DDX42: variants seen among roughly 807,000 people sequenced by gnomAD.
DDX42 encodes the protein ATP-dependent RNA helicase DDX42.
Under a neutral mutation model 101.5 loss-of-function variants are expected in DDX42, and 22 were observed. The observed-to-expected ratio is 0.22, with a 90% CI of 0.15 to 0.31. The LOEUF (loss-of-function observed/expected upper bound fraction) is 0.31. DDX42 is among the 10% of genes least tolerant of loss of function. The pLI, the probability that DDX42 is intolerant of heterozygous loss-of-function variation, is 1.00. For missense variants in DDX42, 849 were observed against 1,199.9 expected (o/e 0.71, Z 4.32); for synonymous variants, 402 against 401.2 (o/e 1.00, Z -0.02).
At chr17:63,785,925 T>G (rs752060562) in intron 1 of DDX42, among the ~76,000 whole-genome samples, 1 of 152,246 alleles carries the variant, frequency 6.6e-6, no homozygotes, top group Non-Finnish European at 1.5e-5. Context: ...CCTCTAGTTT[T>G]CGGAGAGTCT....
In DDX42 at chr17:63,805,071, A is replaced by G; in HGVS notation, c.622A>G (p.Ile208Val). ...TAACTTTGAATAATTGGACCTGCAG[A>G]TTGACTATCCACCATTTGAAAAAAA... ...DPLPPIDHSE[I>V]DYPPFEKNFY... is the part of the protein sequence containing the mutation. The change falls in exon 7 of 18, where the codon ATT becomes GTT. Residue 208 changes from isoleucine (I) to valine (V), a missense_variant and splice_region_variant. Ile to Val is a conservative substitution (Grantham distance 29). Around this residue, in one of 5 missense-constraint regions of DDX42, gnomAD observed 370 missense variants for 608.8 expected, o/e 0.61. Coordinates refer to ENST00000389924, the MANE Select transcript of DDX42 (RefSeq NM_203499.3). 1 of 1,605,352 alleles carries G rather than the reference A, an allele frequency of 6.2e-7. No homozygotes were observed. Among genetic ancestry groups the G allele is most frequent in the African/African-American group, 1.3e-5 (1 of 74,628 alleles).
Position 63,817,065 on chromosome 17 carries a change from TGATGCTA to T in DDX42, c.2112+103_2112+109del, listed in dbSNP as rs997032645. The stretch of plus-strand genomic sequence containing the variant: ...CTGGTTGTAGCTGGGCGCCTAGGCT[TGATGCTA>T]GATTTAGGGTCTTCACGCTGCTTGG... On this transcript the variant is annotated intron_variant, in intron 17 of 17. Coordinates refer to ENST00000389924, the MANE Select transcript of DDX42 (RefSeq NM_203499.3). The T allele has an allele frequency of 8.5e-6, 8 of 942,858 alleles. No homozygotes were observed. In the African/African-American group the frequency reaches 1.2e-4, roughly 14 times the overall value. 58.4% of individuals were successfully genotyped at this position (942,858 alleles called of 1,614,324 possible).
intron 6 of DDX42, among the ~76,000 whole-genome samples, chr17:63,802,493 C>T (rs894658305): frequency 2.0e-5 from 3 of 152,184 alleles, no homozygotes; most frequent in African/African-American, 4.8e-5. Flanking sequence ...TTCGGCCAGA[C>T]GCAATGGCTC....
In DDX42 at chr17:63,774,243, TGGCGGC is replaced by T. The variant is rs3834577; in HGVS notation, c.-139_-134del. ...GCGGTGGCGGCGGCGGTGGTGGTGG[TGGCGGC>T]GGCGGCGGCGAAGGGGGCGGAGAGG... On this transcript the variant is annotated 5_prime_UTR_variant, in exon 1 of 18. Transcript: ENST00000389924. 5 of 244,250 alleles carry T rather than the reference TGGCGGC, an allele frequency of 2.0e-5. No individual in the cohort carries two copies. The highest frequency in any genetic ancestry group is 3.0e-5 in the Non-Finnish European group (4 of 132,910). 15.1% of individuals were successfully genotyped at this position (244,250 alleles called of 1,614,324 possible).
In DDX42 at chr17:63,797,267, G is replaced by A. The variant is rs554314826; in HGVS notation, c.373-771G>A. ...CTCAGGAGGCTGAGGCAGGAGAATCGCTTGAACCTGGGAGGAGGAGGTTGT... is the reference window on the plus strand; with the variant it reads ...CTCAGGAGGCTGAGGCAGGAGAATCACTTGAACCTGGGAGGAGGAGGTTGT... On this transcript the variant is annotated intron_variant, in intron 3 of 17. Transcript: ENST00000389924. Among the ~76,000 whole-genome samples, 137 of 149,160 alleles carry A rather than the reference G, an allele frequency of 9.2e-4. 1 individual carries two copies. Among genetic ancestry groups the A allele is most frequent in the Non-Finnish European group, 1.6e-3 (107 of 67,774 alleles).
chr17:63,813,576 T>C, intron 15 of DDX42, 122 bp downstream of exon 15: 2 of 773,464 alleles, frequency 2.6e-6, no homozygotes, highest in Non-Finnish European at 4.1e-6. Flanking sequence ...ATGTGGGGCT[T>C]ATGAGGTACA....
Position 63,812,216 on chromosome 17 carries a change from A to T in DDX42, c.1675+8A>T. On this transcript the variant is annotated splice_region_variant and intron_variant, in intron 14 of 17. Transcript: ENST00000389924. ...TGGCCACAGATGTTGCAGGTAGAGTATGAATTTTTCAACAACATTAAGTTC... is the reference window on the plus strand; with the variant it reads ...TGGCCACAGATGTTGCAGGTAGAGTTTGAATTTTTCAACAACATTAAGTTC... 1 of 1,607,074 alleles carries T rather than the reference A, an allele frequency of 6.2e-7. No homozygotes were observed. Among genetic ancestry groups the T allele is most frequent in the South Asian group, 1.1e-5 (1 of 90,656 alleles).
At chr17:63,817,034 GTT>G in intron 17 of DDX42, 68 bp downstream of exon 17, 2 of 1,380,946 alleles carry the variant, frequency 1.4e-6, no homozygotes, top group South Asian at 2.5e-5. Flanking sequence ...GAGGGGCTTA[GTT>G]TTCCTGGTTG....
chr17:63,777,691 A>C (rs1598319082), intron 1 of DDX42, among the ~76,000 whole-genome samples: 3 of 150,088 alleles, frequency 2.0e-5, no homozygotes, highest in Admixed American at 1.3e-4. Flanking sequence ...TTCGTGATCC[A>C]CCCGTCTCGG....
chr17:63,785,188 G>A (rs1223944586), intron 1 of DDX42, among the ~76,000 whole-genome samples: 3 of 152,118 alleles, frequency 2.0e-5, no homozygotes, highest in South Asian at 2.1e-4. Context: ...GTTTTGGGGG[G>A]CCAGGTGCAG....
intron 1 of DDX42, among the ~76,000 whole-genome samples, chr17:63,786,495 G>A (rs759446944): frequency 6.6e-6 from 1 of 152,164 alleles, no homozygotes; most frequent in African/African-American, 2.4e-5. Flanking sequence ...CGTGATCATA[G>A]CTCAGTGTAA....
chr17:63,791,971 C>T (rs1335840989), intron 2 of DDX42, among the ~76,000 whole-genome samples: 1 of 151,654 alleles, frequency 6.6e-6, no homozygotes, highest in Non-Finnish European at 1.5e-5. Context: ...AGCTTGAACC[C>T]AGAAGGCGGG....
intron 1 of DDX42, among the ~76,000 whole-genome samples, chr17:63,778,815 A>G (rs1312784413): frequency 2.0e-5 from 3 of 152,006 alleles, no homozygotes; most frequent in Non-Finnish European, 4.4e-5. Context: ...TAATTTTTGT[A>G]TTTTTAGTAG....
At chr17:63,806,702 G>T in intron 8 of DDX42, 48 bp downstream of exon 8, 1 of 1,554,706 alleles carries the variant, frequency 6.4e-7, no homozygotes, top group South Asian at 1.2e-5. Flanking sequence ...AGTCTTTCAT[G>T]ACTATATTAA....
intron 6 of DDX42, among the ~76,000 whole-genome samples, chr17:63,802,825 A>G (rs754350367): frequency 6.6e-5 from 10 of 151,304 alleles, no homozygotes; most frequent in Non-Finnish European, 1.5e-4. Context: ...CAGGAGAGTC[A>G]CTCAAATCCA....
intron 2 of DDX42, among the ~76,000 whole-genome samples, 166 bp downstream of exon 2, chr17:63,787,436 C>T (rs190569526): frequency 6.6e-6 from 1 of 152,280 alleles, no homozygotes; most frequent in East Asian, 1.9e-4. Flanking sequence ...ATCAGGTTTA[C>T]TCATTTGTAA....
intron 6 of DDX42, 125 bp downstream of exon 6, chr17:63,800,742 AC>A: frequency 8.3e-7 from 1 of 1,206,664 alleles, no homozygotes; most frequent in Admixed American, 2.6e-5. Flanking sequence ...TGTCATCTCT[AC>A]TAAGTGGTTG....
intron 3 of DDX42, 63 bp downstream of exon 3, chr17:63,792,625 A>G (rs527638223): frequency 8.9e-6 from 13 of 1,464,020 alleles, no homozygotes; most frequent in Admixed American, 2.6e-5. Flanking sequence ...TTAACTTAGT[A>G]CTTCAAATCT....
At chr17:63,809,222 CAG>C (rs1195195409) in intron 10 of DDX42, among the ~76,000 whole-genome samples, 1 of 152,198 alleles carries the variant, frequency 6.6e-6, no homozygotes, top group Non-Finnish European at 1.5e-5. Context: ...CATCAAGAAT[CAG>C]AAAGATACAT....
Sources: allele counts gnomAD v4.1 joint callset (sites outside exome capture counted in the v4.1 genomes callset), GRCh38; gene constraint gnomAD v4.1.1; regional missense constraint gnomAD v4.1.1; transcripts MANE v1.5; gene names NCBI Gene and HGNC (gene_info 2026-07-23, HGNC 2026-07-21).